The following BTBD16 variants were observed in gnomAD, a reference collection of about 807,000 sequenced individuals.
BTBD16 encodes the protein BTB domain containing 16, also known as BTB/POZ domain-containing protein 16.
A neutral mutation model predicts 67.4 loss-of-function variants in BTBD16; 66 were observed. The observed-to-expected ratio is 0.98, with a 90% confidence interval of 0.80 to 1.20. The LOEUF (loss-of-function observed/expected upper bound fraction) is 1.20. Among genes scored for constraint, BTBD16 ranks in the 50% most tolerant of loss-of-function variants. BTBD16 has a pLI of 0.00. For synonymous variants in BTBD16, 242 were observed against 236.4 expected, an observed-to-expected ratio of 1.02 and a Z score of -0.22; for missense variants, 634 against 616.0, an observed-to-expected ratio of 1.03 and a Z score of -0.31.
At chr10:122,306,345 C>T (rs1195382924) in intron 9 of BTBD16, among the ~76,000 whole-genome samples, 5 of 152,186 alleles carry the variant, frequency 3.3e-5, no homozygotes, top group African/African-American at 9.7e-5. Context: ...AAAATAAATT[C>T]GTGTTGTTTC....
intron 10 of BTBD16, among the ~76,000 whole-genome samples, chr10:122,312,309 C>CTTTTTT (rs58045019): frequency 0.013 from 1,372 of 105,444 alleles, no homozygotes; most frequent in Non-Finnish European, 0.02. Context: ...TTTTCTTTTT[C>CTTTTTT]TTTTTTTTTT....
intron 5 of BTBD16, among the ~76,000 whole-genome samples, chr10:122,289,380 A>G (rs1240831873): frequency 6.6e-6 from 1 of 152,026 alleles, no homozygotes; most frequent in Non-Finnish European, 1.5e-5. Context: ...ATACGTGGGA[A>G]CTCTGCACTC....
rs1353672943 is a variant in BTBD16, at chr10:122,332,709, G to A, written c.1164+196G>A. The A allele has an allele frequency of 4.2e-6, 3 of 715,504 alleles. No individual in the cohort carries two copies. The African/African-American group carries it at 5.8e-5, about 14-fold the overall frequency. The allele number at this position is 715,504 out of a possible 1,614,324, so 44.3% of individuals were successfully genotyped here. On this transcript the variant is annotated intron_variant, in intron 13 of 15. Transcript: ENST00000260723. ...ATTCACAAGGGAGGGGCCTGGGGCG[G>A]GCCATTTAATAATTTCCCCACTAAG...
At chr10:122,284,598 C>G (rs1214982466) in intron 4 of BTBD16, among the ~76,000 whole-genome samples, 1 of 151,478 alleles carries the variant, frequency 6.6e-6, no homozygotes, top group East Asian at 1.9e-4. Flanking sequence ...GAGGCAGGAT[C>G]AAGAATCAGG....
At chr10:122,276,963 G>C in intron 3 of BTBD16, 24 bp downstream of exon 3, 1 of 1,606,966 alleles carries the variant, frequency 6.2e-7, no homozygotes, top group South Asian at 1.1e-5. Flanking sequence ...AAGGTTTGTG[G>C]GAGGGAATGG....
intron 1 of BTBD16, among the ~76,000 whole-genome samples, chr10:122,272,001 C>A (rs549016028): frequency 6.6e-6 from 1 of 152,202 alleles, no homozygotes; most frequent in Admixed American, 6.5e-5. Flanking sequence ...TTCTCAGATT[C>A]CTTAAGGCCA....
rs960812178 is a variant in BTBD16 at position 122,273,968 on chromosome 10, C to T, written c.-42-1072C>T. Among the ~76,000 whole-genome samples, 7 of 152,198 alleles carry T rather than the reference C, an allele frequency of 4.6e-5. No homozygotes were observed. The East Asian group carries it at 5.8e-4, about 13-fold the overall frequency. On this transcript the variant is annotated intron_variant, in intron 1 of 15. Transcript: ENST00000260723. ...TTTGCTCACTGCTGTCTCTCAGAAA[C>T]GGCTAACGCCTCTCTCCATATGGCG...
intron 13 of BTBD16, chr10:122,332,886 G>A: frequency 1.0e-6 from 1 of 985,334 alleles, no homozygotes; most frequent in Non-Finnish European, 1.2e-6. Flanking sequence ...CTCAACAAGA[G>A]ACTCCATGCC....
intron 7 of BTBD16, 139 bp downstream of exon 7, chr10:122,291,333 C>A: frequency 8.7e-7 from 1 of 1,144,614 alleles, no homozygotes; most frequent in Non-Finnish European, 1.2e-6. Flanking sequence ...TGGCCTTGAG[C>A]CTGGAAAGGA....
intron 3 of BTBD16, 72 bp from the exon 4 acceptor site, chr10:122,283,779 A>G (rs1025597155): frequency 2.6e-6 from 3 of 1,158,572 alleles, no homozygotes; most frequent in Non-Finnish European, 3.9e-6. Flanking sequence ...TTATGCTAGA[A>G]TAATGCATGT....
At chr10:122,287,574 C>A (rs926245515) in intron 5 of BTBD16, 4 of 709,146 alleles carry the variant, frequency 5.6e-6, no homozygotes, top group Non-Finnish European at 1.7e-6. Flanking sequence ...CCGATCAAGC[C>A]ATGGGATTCA....
chr10:122,293,478 G>A (rs763313254), intron 7 of BTBD16, among the ~76,000 whole-genome samples: 8 of 152,222 alleles, frequency 5.3e-5, no homozygotes, highest in Admixed American at 1.3e-4. Context: ...AGGGCCTGGA[G>A]TCTTGAAGAA....
intron 10 of BTBD16, among the ~76,000 whole-genome samples, chr10:122,325,829 C>T (rs769460292): frequency 5.3e-5 from 8 of 152,058 alleles, no homozygotes; most frequent in African/African-American, 1.9e-4. Context: ...GCACCCACCA[C>T]CATGCCTGGC....
rs150944464 is a variant in BTBD16 at position 122,336,499 on chromosome 10, A to G, written c.1269A>G (p.Ile423Met). Residue 423 changes from isoleucine (I) to methionine (M), a missense_variant, in exon 15 of 16, where the codon ATA (isoleucine) becomes ATG (methionine). Ile to Met is a conservative substitution (Grantham distance 10, BLOSUM62 1). Transcript: ENST00000260723. ...GTGAATCACTCTCTTTGCAGAGAAT[A>G]AAGCACACAGACCTGGAATCTCCCT... ...TTSYSFYMQR[I>M]KHTDLESPSA... 22,900 of 1,603,400 alleles carry G rather than the reference A, an allele frequency of 0.014. 279 individuals are homozygous for G. The highest frequency in any genetic ancestry group is 0.016 in the Non-Finnish European group (18,289 of 1,175,050).
chr10:122,301,866 C>T (rs1218992606), intron 9 of BTBD16, among the ~76,000 whole-genome samples: 3 of 152,194 alleles, frequency 2.0e-5, no homozygotes, highest in Non-Finnish European at 4.4e-5. Flanking sequence ...GGCAGGGCCT[C>T]CACTGGCTCC....
intron 10 of BTBD16, among the ~76,000 whole-genome samples, chr10:122,316,356 G>A (rs773577538): frequency 2.6e-5 from 4 of 152,144 alleles, no homozygotes; most frequent in Non-Finnish European, 4.4e-5. Context: ...ACACAGATCT[G>A]CTTCTATCAC....
At chr10:122,327,587 GT>G in intron 10 of BTBD16, 1 of 985,428 alleles carries the variant, frequency 1.0e-6, no homozygotes, top group Non-Finnish European at 1.2e-6. Flanking sequence ...TCCCAGCTTG[GT>G]TGGATGATGA....
intron 14 of BTBD16, among the ~76,000 whole-genome samples, chr10:122,335,868 T>G (rs1031473788): frequency 3.3e-5 from 5 of 152,202 alleles, no homozygotes; most frequent in African/African-American, 1.2e-4. Context: ...CTTTATTTTT[T>G]TATTTTTCTA....
intron 13 of BTBD16, 103 bp from the exon 14 acceptor site, chr10:122,334,778 T>A: frequency 1.5e-6 from 1 of 661,608 alleles, no homozygotes; most frequent in East Asian, 3.3e-5. Flanking sequence ...CGCCTCAGCC[T>A]CCCAAAGTGC....
Sources: allele counts gnomAD v4.1 joint callset (sites outside exome capture counted in the v4.1 genomes callset), GRCh38; gene constraint gnomAD v4.1.1; transcripts MANE v1.5; gene names NCBI Gene and HGNC (gene_info 2026-07-23, HGNC 2026-07-21).